The following OLA1 variants were observed in gnomAD, a reference collection of about 807,000 sequenced individuals.
The protein encoded by OLA1 is obg-like ATPase 1.
A neutral mutation model predicts 48.4 loss-of-function variants in OLA1; 14 were observed. The observed-to-expected ratio is 0.29, with a 90% confidence interval of 0.19 to 0.45. The LOEUF is 0.45. OLA1 is among the 20% of genes least tolerant of loss of function. OLA1 has a pLI of 1.00. For missense variants in OLA1, 325 were observed against 467.1 expected, an observed-to-expected ratio of 0.70 and a Z score of 2.80; for synonymous variants, 127 against 150.4, an observed-to-expected ratio of 0.84 and a Z score of 1.14.
At chr2:174,112,010 A>G (rs112569775) in intron 7 of OLA1, among the ~76,000 whole-genome samples, 1 of 152,248 alleles carries the variant, frequency 6.6e-6, no homozygotes, top group East Asian at 1.9e-4. Flanking sequence ...TTTTTAAAAA[A>G]TACCACTCTC....
chr2:174,131,192 T>C (rs1286864322), intron 5 of OLA1, among the ~76,000 whole-genome samples: 1 of 152,160 alleles, frequency 6.6e-6, no homozygotes. Flanking sequence ...TAGCCTGTTA[T>C]TGAAACTTAT....
chr2:174,232,303 C>G (rs1456780906), intron 2 of OLA1, among the ~76,000 whole-genome samples: 1 of 152,152 alleles, frequency 6.6e-6, no homozygotes, highest in Non-Finnish European at 1.5e-5. Flanking sequence ...TCTGAATTAA[C>G]TATTTATATA....
At chr2:174,094,601 A>T (rs1207809179) in intron 7 of OLA1, among the ~76,000 whole-genome samples, 2 of 152,256 alleles carry the variant, frequency 1.3e-5, no homozygotes, top group Non-Finnish European at 2.9e-5. Flanking sequence ...GTGGAAGAGA[A>T]TTGGGAGTCC....
At chr2:174,124,845 T>G (rs900663209) in intron 5 of OLA1, among the ~76,000 whole-genome samples, 1 of 152,218 alleles carries the variant, frequency 6.6e-6, no homozygotes, top group Admixed American at 6.5e-5. Context: ...CTTCCAAATT[T>G]TGCTGTTACC....
rs527682864 is a variant in OLA1, at chr2:174,109,963, T to C, written c.728+13217A>G. 2.2e-4 allele frequency among the ~76,000 whole-genome samples: 33 copies of C among 152,306 alleles called. No individual in the cohort carries two copies. The South Asian group carries it at 3.9e-3, about 18-fold the overall frequency. ...TGCTCCTCTCTCTCTTCCCACCCTC[T>C]TTCCTCAAGTAGACCCCAGTGTCTA... On this transcript the variant is annotated intron_variant, in intron 7 of 10. Transcript: ENST00000284719.
chr2:174,163,760 ATATATATATAT>A (rs1687085264), intron 4 of OLA1, among the ~76,000 whole-genome samples: 2 of 34,432 alleles, frequency 5.8e-5, no homozygotes, highest in Admixed American at 2.9e-4. Context: ...ATATATATAT[ATATATATATAT>A]ATATAAATAA....
chr2:174,199,966 T>G (rs985872455), intron 4 of OLA1, among the ~76,000 whole-genome samples: 1 of 152,122 alleles, frequency 6.6e-6, no homozygotes, highest in Non-Finnish European at 1.5e-5. Flanking sequence ...AGAATCCAGC[T>G]GTCCTCTCTT....
At chr2:174,231,190 TTAAAA>T (rs1199256993) in intron 2 of OLA1, among the ~76,000 whole-genome samples, 2 of 152,158 alleles carry the variant, frequency 1.3e-5, no homozygotes, top group Admixed American at 1.3e-4. Flanking sequence ...ATGAAAAAAT[TTAAAA>T]TAAAGAGTGA....
intron 2 of OLA1, among the ~76,000 whole-genome samples, chr2:174,245,872 C>A (rs1689116573): frequency 6.6e-6 from 1 of 151,776 alleles, no homozygotes; most frequent in African/African-American, 2.4e-5. Flanking sequence ...CCAGCCTGGG[C>A]AAAAGAGCAA....
chr2:174,166,034 G>C (rs374443946), intron 4 of OLA1, among the ~76,000 whole-genome samples: 1 of 151,942 alleles, frequency 6.6e-6, no homozygotes, highest in South Asian at 2.1e-4. Context: ...GCTGAGGCAG[G>C]AGAATCGCTT....
chr2:174,175,296 T>TA (rs34692902), intron 4 of OLA1, among the ~76,000 whole-genome samples: 57,893 of 132,604 alleles, frequency 0.44, 12,051 homozygotes, highest in Middle Eastern at 0.51. Context: ...AAGACAGAAT[T>TA]AAAAAAAAAA....
At chr2:174,245,104 T>A (rs570512855) in intron 2 of OLA1, among the ~76,000 whole-genome samples, 1 of 152,344 alleles carries the variant, frequency 6.6e-6, no homozygotes, top group East Asian at 1.9e-4. Context: ...GAGAAGTATG[T>A]CAATATCTCA....
intron 4 of OLA1, among the ~76,000 whole-genome samples, chr2:174,199,645 C>T (rs946485290): frequency 1.3e-5 from 2 of 152,108 alleles, no homozygotes; most frequent in Non-Finnish European, 2.9e-5. Context: ...CTGTATCACT[C>T]ACCAAGAATC....
At chr2:174,077,907 A>G (rs1421493545) in intron 10 of OLA1, among the ~76,000 whole-genome samples, 1 of 152,026 alleles carries the variant, frequency 6.6e-6, no homozygotes, top group African/African-American at 2.4e-5. Context: ...ACAAAGTTCA[A>G]TCTCAGTATT....
At chr2:174,243,166 A>T (rs961487208) in intron 2 of OLA1, among the ~76,000 whole-genome samples, 7 of 152,080 alleles carry the variant, frequency 4.6e-5, no homozygotes, top group Non-Finnish European at 8.8e-5. Context: ...GTGCCACCAC[A>T]CCTGGCTAAT....
intron 7 of OLA1, among the ~76,000 whole-genome samples, chr2:174,091,818 G>GC (rs1008792661): frequency 1.5e-5 from 2 of 131,838 alleles, no homozygotes; most frequent in Non-Finnish European, 3.1e-5. Flanking sequence ...GTTGCAGTGA[G>GC]CGGAGATCAT....
At chr2:174,078,059 TC>T (rs1684786394) in intron 10 of OLA1, among the ~76,000 whole-genome samples, 1 of 151,972 alleles carries the variant, frequency 6.6e-6, no homozygotes, top group Non-Finnish European at 1.5e-5. Flanking sequence ...ACCAAGATTT[TC>T]CCCCTCCTCT....
chr2:174,186,431 T>G (rs1165418483), intron 4 of OLA1, among the ~76,000 whole-genome samples: 1 of 152,326 alleles, frequency 6.6e-6, no homozygotes, highest in South Asian at 2.1e-4. Context: ...ACCTGACTTC[T>G]GTGACAGCTC....
intron 5 of OLA1, among the ~76,000 whole-genome samples, chr2:174,124,984 C>T (rs1045492666): frequency 5.3e-5 from 8 of 152,220 alleles, no homozygotes; most frequent in East Asian, 3.9e-4. Context: ...CTAACATGTT[C>T]GGCTTAAGAA....
Sources: gnomAD v4.1 joint callset for allele counts (sites outside exome capture counted in the v4.1 genomes callset) on GRCh38, gnomAD v4.1.1 for gene constraint, MANE v1.5 for transcripts, NCBI Gene and HGNC (gene_info 2026-07-23, HGNC 2026-07-21) for gene names.